The following KIAA1328 variants were observed in gnomAD, a reference collection of about 807,000 sequenced individuals.
KIAA1328 encodes the protein protein hinderin.
In KIAA1328, 52 loss-of-function variants were observed where a neutral mutation model predicts 68.1. The ratio of observed to expected loss-of-function variants is 0.76; its 90% CI spans 0.61 to 0.96. The LOEUF (loss-of-function observed/expected upper bound fraction) is 0.96. Ranked by LOEUF, KIAA1328 falls within the 40% of genes least tolerant of loss-of-function variation. The pLI is 0.00. For synonymous variants in KIAA1328, 232 were observed against 239.4 expected (o/e 0.97, Z 0.28); for missense variants, 641 against 677.6 (o/e 0.95, Z 0.60).
At chr18:37,002,994 C>G (rs1050823650) in intron 6 of KIAA1328, among the ~76,000 whole-genome samples, 1 of 152,030 alleles carries the variant, frequency 6.6e-6, no homozygotes, top group African/African-American at 2.4e-5. Flanking sequence ...GACATATAGA[C>G]CAATGGCACA....
chr18:36,948,168 C>T (rs957221625), intron 5 of KIAA1328, among the ~76,000 whole-genome samples: 2 of 151,754 alleles, frequency 1.3e-5, no homozygotes, highest in Admixed American at 1.3e-4. Context: ...AAATGGATAG[C>T]TCATGAAATG....
intron 6 of KIAA1328, among the ~76,000 whole-genome samples, chr18:36,973,707 G>T (rs999311404): frequency 6.6e-6 from 1 of 151,820 alleles, no homozygotes; most frequent in Non-Finnish European, 1.5e-5. Context: ...AAACCAAATC[G>T]ACATTACAGA....
At chr18:37,034,911 T>G (rs1204787003) in intron 6 of KIAA1328, among the ~76,000 whole-genome samples, 2 of 152,148 alleles carry the variant, frequency 1.3e-5, no homozygotes, top group Non-Finnish European at 2.9e-5. Flanking sequence ...ATATAAAATG[T>G]GAATAGAGAG....
At chr18:37,122,059 A>T (rs1486422076) in intron 7 of KIAA1328, among the ~76,000 whole-genome samples, 1 of 152,138 alleles carries the variant, frequency 6.6e-6, no homozygotes, top group Non-Finnish European at 1.5e-5. Context: ...TTTAGATGAC[A>T]TGACATGAAG....
intron 7 of KIAA1328, among the ~76,000 whole-genome samples, chr18:37,079,031 G>A (rs1376060685): frequency 1.9e-4 from 28 of 151,290 alleles, no homozygotes; most frequent in African/African-American, 4.4e-4. Context: ...ACATGCACAC[G>A]TATGTTTATT....
chr18:37,130,067 C>T (rs1319881028), intron 7 of KIAA1328, among the ~76,000 whole-genome samples: 1 of 152,144 alleles, frequency 6.6e-6, no homozygotes, highest in Non-Finnish European at 1.5e-5. Context: ...GCTAAATACT[C>T]ATCTTTCCTA....
intron 6 of KIAA1328, among the ~76,000 whole-genome samples, chr18:37,050,823 G>T (rs1204333839): frequency 6.6e-6 from 1 of 152,176 alleles, no homozygotes; most frequent in African/African-American, 2.4e-5. Flanking sequence ...CTCTAAGTCT[G>T]TTCATTGATA....
At chr18:37,173,483 C>T (rs551629391) in intron 9 of KIAA1328, among the ~76,000 whole-genome samples, 2 of 152,272 alleles carry the variant, frequency 1.3e-5, no homozygotes, top group East Asian at 1.9e-4. Context: ...AACTTAAGAC[C>T]AGACACATTT....
At chr18:36,956,663 A>G (rs2051432554) in intron 5 of KIAA1328, among the ~76,000 whole-genome samples, 1 of 152,102 alleles carries the variant, frequency 6.6e-6, no homozygotes. Flanking sequence ...TTTGCCTATA[A>G]TTTGTTTCAA....
intron 9 of KIAA1328, among the ~76,000 whole-genome samples, chr18:37,182,872 G>A (rs573236270): frequency 6.6e-6 from 1 of 152,140 alleles, no homozygotes; most frequent in East Asian, 1.9e-4. Context: ...TGGGCACTCA[G>A]TGTTAGCTTT....
intron 7 of KIAA1328, among the ~76,000 whole-genome samples, chr18:37,155,623 G>A (rs906030807): frequency 5.3e-5 from 8 of 152,086 alleles, no homozygotes; most frequent in African/African-American, 1.9e-4. Flanking sequence ...TCTCTAAATG[G>A]TGCCAGAGTA....
At position 37,134,132 on chromosome 18, in the gene KIAA1328, G is replaced by T. The variant is rs2058589238; in HGVS notation, c.1233-26068G>T. ...AGATACAAGCGATTCTCCTGCCTCA[G>T]CCTCCCGAGTAGCTGGGATTACAGG... is the stretch of plus-strand genomic sequence containing the variant. On this transcript the variant is annotated intron_variant, in intron 7 of 9. Transcript: ENST00000280020. Among the ~76,000 whole-genome samples, 3 of 151,986 alleles carry T rather than the reference G, an allele frequency of 2.0e-5. No individual in the cohort carries two copies. In the South Asian group the frequency reaches 6.2e-4, roughly 32 times the overall value.
intron 7 of KIAA1328, among the ~76,000 whole-genome samples, chr18:37,101,683 C>G (rs2057622965): frequency 6.6e-6 from 1 of 152,122 alleles, no homozygotes; most frequent in Non-Finnish European, 1.5e-5. Context: ...AAAGATACTC[C>G]TCAAGAAGAG....
chr18:36,982,948 A>G (rs2052756200), intron 6 of KIAA1328, among the ~76,000 whole-genome samples: 1 of 152,154 alleles, frequency 6.6e-6, no homozygotes, highest in Middle Eastern at 3.4e-3. Context: ...AAAGCTGTAT[A>G]ATAGTAACCT....
chr18:36,887,351 A>C (rs1488138873), intron 5 of KIAA1328, among the ~76,000 whole-genome samples: 1 of 152,098 alleles, frequency 6.6e-6, no homozygotes, highest in Non-Finnish European at 1.5e-5. Flanking sequence ...TTTGCAACAA[A>C]AATTCAATTT....
chr18:37,204,381 T>G (rs1006841698), intron 9 of KIAA1328, among the ~76,000 whole-genome samples: 2 of 152,226 alleles, frequency 1.3e-5, no homozygotes, highest in East Asian at 3.8e-4. Context: ...TTGGGCTTAT[T>G]TATGAATGCT....
In KIAA1328 at chr18:36,959,534, A is replaced by G. The variant is rs556003593; in HGVS notation, c.576+99A>G. ...TCTTAATTTCCTCCCAGTATATAAT[A>G]TTGTTTTAAAACATGTAGCCACTGC... On this transcript the variant is annotated intron_variant, in intron 6 of 9. Transcript: ENST00000280020. The G allele has an allele frequency of 4.6e-3, 6,038 of 1,310,730 alleles. 26 individuals are homozygous for G. The highest frequency in any genetic ancestry group is 5.5e-3 in the Non-Finnish European group (5,296 of 954,530). The allele number at this position is 1,310,730 out of a possible 1,614,324, so 81.2% of individuals were successfully genotyped here. A position where few individuals can be genotyped will look rare whatever the true frequency, so the allele number is the denominator to read the frequency against.
At chr18:37,116,419 C>T (rs1442959347) in intron 7 of KIAA1328, among the ~76,000 whole-genome samples, 1 of 152,044 alleles carries the variant, frequency 6.6e-6, no homozygotes, top group African/African-American at 2.4e-5. Context: ...GAAAGGATTC[C>T]CTATTTAATA....
chr18:36,841,704 G>A (rs1219873289), intron 3 of KIAA1328, among the ~76,000 whole-genome samples: 2 of 152,132 alleles, frequency 1.3e-5, no homozygotes, highest in Non-Finnish European at 2.9e-5. Flanking sequence ...TAAGCAATAT[G>A]CAAATGAATG....
Sources: gnomAD v4.1 joint callset for allele counts (sites outside exome capture counted in the v4.1 genomes callset) on GRCh38, gnomAD v4.1.1 for gene constraint, MANE v1.5 for transcripts, NCBI Gene and HGNC (gene_info 2026-07-23, HGNC 2026-07-21) for gene names.